The following ATP8A2 variants were observed in gnomAD, a reference collection of about 807,000 sequenced individuals.
ATP8A2 encodes ATPase phospholipid transporting 8A2, also known as phospholipid-transporting ATPase IB.
Under a neutral mutation model 165.6 loss-of-function variants are expected in ATP8A2, and 100 were observed. That is an observed-to-expected ratio of 0.60 (90% CI 0.51 to 0.71). ATP8A2 has a LOEUF of 0.71. Among genes scored for constraint, ATP8A2 ranks in the 30% least tolerant of loss-of-function variants. The pLI is 0.00. For synonymous variants in ATP8A2, 543 were observed against 548.8 expected (o/e 0.99, Z 0.15); for missense variants, 1,227 against 1,479.5 (o/e 0.83, Z 2.80).
chr13:25,972,960 C>T (rs1048646414), intron 35 of ATP8A2, among the ~76,000 whole-genome samples: 34 of 152,040 alleles, frequency 2.2e-4, no homozygotes, highest in African/African-American at 7.7e-4. Context: ...TTGTTGAAAA[C>T]ATCTAGTTTT....
chr13:25,814,047 T>C (rs1358423547), intron 27 of ATP8A2, among the ~76,000 whole-genome samples: 3 of 151,766 alleles, frequency 2.0e-5, no homozygotes, highest in African/African-American at 4.8e-5. Context: ...ACCTTTCTAA[T>C]TGCGTGAATC....
At chr13:25,921,922 GTTTA>G (rs576363346) in intron 33 of ATP8A2, among the ~76,000 whole-genome samples, 5 of 152,244 alleles carry the variant, frequency 3.3e-5, no homozygotes, top group Middle Eastern at 3.4e-3. Flanking sequence ...TCCTTCTATA[GTTTA>G]TTTGTTAGAT....
chr13:25,390,775 C>G (rs189719142), intron 1 of ATP8A2, among the ~76,000 whole-genome samples: 1 of 151,966 alleles, frequency 6.6e-6, no homozygotes, highest in African/African-American at 2.4e-5. Flanking sequence ...ACTAAAAATA[C>G]AAAACTTAGC....
chr13:25,653,489 C>T (rs9511859), intron 24 of ATP8A2, among the ~76,000 whole-genome samples: 32,935 of 152,064 alleles, frequency 0.22, 3,686 homozygotes, highest in Admixed American at 0.25. Context: ...TCAGAAAATA[C>T]AACTAATGGG....
intron 2 of ATP8A2, among the ~76,000 whole-genome samples, chr13:25,521,647 T>C (rs1361586439): frequency 6.6e-6 from 1 of 152,190 alleles, no homozygotes; most frequent in Non-Finnish European, 1.5e-5. Flanking sequence ...CCCCACTGTA[T>C]GTTCTTAGCG....
chr13:25,955,974 G>A (rs900429312), intron 33 of ATP8A2, among the ~76,000 whole-genome samples: 8 of 152,204 alleles, frequency 5.3e-5, no homozygotes, highest in Non-Finnish European at 7.4e-5. Flanking sequence ...TTCAACATAC[G>A]CAAATCAATG....
At chr13:25,480,937 C>T (rs989461972) in intron 2 of ATP8A2, among the ~76,000 whole-genome samples, 2 of 152,126 alleles carry the variant, frequency 1.3e-5, no homozygotes, top group African/African-American at 4.8e-5. Context: ...GTGGATCACT[C>T]GCGGTTAGGA....
At chr13:25,935,435 T>C (rs537507180) in intron 33 of ATP8A2, among the ~76,000 whole-genome samples, 1 of 152,304 alleles carries the variant, frequency 6.6e-6, no homozygotes, top group Non-Finnish European at 1.5e-5. Context: ...TCATTTTTAC[T>C]TGGTGTCAGT....
chr13:25,727,251 A>T (rs1339342497), intron 25 of ATP8A2, among the ~76,000 whole-genome samples: 1 of 152,212 alleles, frequency 6.6e-6, no homozygotes, highest in Non-Finnish European at 1.5e-5. Context: ...AAACTTTGGT[A>T]GTCTTGGAAA....
At position 25,910,043 on chromosome 13, in the gene ATP8A2, C is replaced by T. The variant is rs77009334; in HGVS notation, c.3183+47635C>T. On this transcript the variant is annotated intron_variant, in intron 33 of 36. Coordinates refer to ENST00000381655, the MANE Select transcript of ATP8A2 (RefSeq NM_016529.6). ...ATTTTGCCTGTCCCGTCATCTGCTG[C>T]GGGATGGTGGTAGTGTTCGCGCCTG... 3.2e-3 allele frequency among the ~76,000 whole-genome samples: 493 copies of T among 152,244 alleles called. 4 individuals are homozygous for T. Among genetic ancestry groups the T allele is most frequent in the East Asian group, 0.014 (73 of 5,184 alleles).
intron 24 of ATP8A2, among the ~76,000 whole-genome samples, chr13:25,643,424 G>A (rs750910750): frequency 2.2e-4 from 34 of 152,048 alleles, no homozygotes; most frequent in Admixed American, 1.3e-3. Flanking sequence ...TATAACCCCT[G>A]CTGTGTGAAG....
At chr13:25,982,244 G>A (rs1271588803) in intron 35 of ATP8A2, among the ~76,000 whole-genome samples, 2 of 152,078 alleles carry the variant, frequency 1.3e-5, no homozygotes, top group Non-Finnish European at 2.9e-5. Context: ...TGGAACTTTG[G>A]GCTTATTGTC....
Position 25,872,025 on chromosome 13 carries a change from C to T in ATP8A2, c.3183+9617C>T, listed in dbSNP as rs536076054. 4.6e-5 allele frequency among the ~76,000 whole-genome samples: 7 copies of T among 151,842 alleles called. No individual in the cohort carries two copies. In the East Asian group the frequency reaches 7.8e-4, roughly 17 times the overall value. On this transcript the variant is annotated intron_variant, in intron 33 of 36. Coordinates refer to ENST00000381655, the MANE Select transcript of ATP8A2 (RefSeq NM_016529.6). ...GGTACAGTGACATCTTGCCATCTTC[C>T]GCCTGCCCTGCGTCCATTCCCCTCA...
intron 30 of ATP8A2, among the ~76,000 whole-genome samples, chr13:25,840,524 A>G (rs1951727371): frequency 6.6e-6 from 1 of 152,328 alleles, no homozygotes; most frequent in South Asian, 2.1e-4. Context: ...ATAGTCTTTC[A>G]ATTTCATCAG....
intron 30 of ATP8A2, among the ~76,000 whole-genome samples, chr13:25,853,396 A>ATATATATATATATATATATATATATATAT (rs59573616): frequency 4.6e-5 from 5 of 107,868 alleles, no homozygotes; most frequent in African/African-American, 1.0e-4. Context: ...ATCTAAAAAA[A>ATATATATATATATATATATATATATATAT]ATATATATAT....
At chr13:25,816,427 C>T (rs1017134772) in intron 27 of ATP8A2, among the ~76,000 whole-genome samples, 9 of 152,194 alleles carry the variant, frequency 5.9e-5, no homozygotes, top group Admixed American at 2.0e-4. Context: ...TTTCAGTGCC[C>T]CTTCTCCCCG....
chr13:25,777,456 T>G (rs1191681052), intron 27 of ATP8A2, among the ~76,000 whole-genome samples: 2 of 152,236 alleles, frequency 1.3e-5, no homozygotes, highest in African/African-American at 2.4e-5. Context: ...CAAAGAATAC[T>G]TTTTTGTTCT....
At chr13:25,936,768 C>T (rs1954903053) in intron 33 of ATP8A2, among the ~76,000 whole-genome samples, 1 of 152,228 alleles carries the variant, frequency 6.6e-6, no homozygotes. Context: ...AGGACTCTTT[C>T]TTCCTGGTCT....
At chr13:25,525,941 G>A (rs143648140) in intron 2 of ATP8A2, among the ~76,000 whole-genome samples, 1 of 152,018 alleles carries the variant, frequency 6.6e-6, no homozygotes, top group African/African-American at 2.4e-5. Context: ...GTGATTCTTA[G>A]ACTTTGTCTT....
Sources: gnomAD v4.1 joint callset for allele counts (sites outside exome capture counted in the v4.1 genomes callset) on GRCh38, gnomAD v4.1.1 for gene constraint, MANE v1.5 for transcripts, NCBI Gene and HGNC (gene_info 2026-07-23, HGNC 2026-07-21) for gene names.